DRC7: variants seen among roughly 807,000 people sequenced by gnomAD.
DRC7 encodes the protein coiled-coil domain containing 135.
In DRC7, 80 loss-of-function variants were observed where a neutral mutation model predicts 104.4. That is an observed-to-expected ratio of 0.77 (90% CI 0.64 to 0.92). The LOEUF (loss-of-function observed/expected upper bound fraction) is 0.92. Ranked by LOEUF, DRC7 falls within the 40% of genes least tolerant of loss-of-function variation. The probability of loss-of-function intolerance (pLI) is 0.00; values close to 1 mark genes in which losing one functional copy is unlikely to be tolerated. For missense variants in DRC7, 1,034 were observed against 1,141.1 expected, an observed-to-expected ratio of 0.91 and a Z score of 1.35; for synonymous variants, 405 against 447.3, an observed-to-expected ratio of 0.91 and a Z score of 1.19.
At chr16:57,727,253 G>A in intron 15 of DRC7, 46 bp from the exon 16 acceptor site, 1 of 1,479,118 alleles carries the variant, frequency 6.8e-7, no homozygotes, top group South Asian at 1.1e-5. Context: ...TTACAGGAGT[G>A]GAGGAGGGGT....
intron 13 of DRC7, 195 bp from the exon 14 acceptor site, chr16:57,725,873 T>A (rs1035198458): frequency 3.3e-6 from 2 of 597,452 alleles, no homozygotes; most frequent in African/African-American, 1.9e-5. Flanking sequence ...CAGCACCATA[T>A]GGGAGTGGAG....
intron 7 of DRC7, 88 bp from the exon 8 acceptor site, chr16:57,707,372 C>A: frequency 4.8e-6 from 6 of 1,256,040 alleles, no homozygotes; most frequent in Non-Finnish European, 5.5e-6. Flanking sequence ...AGCTCTCCTG[C>A]TGGTTCCCCA....
chr16:57,716,695 C>A (rs915577025), intron 8 of DRC7, among the ~76,000 whole-genome samples: 2 of 152,082 alleles, frequency 1.3e-5, no homozygotes, highest in African/African-American at 2.4e-5. Flanking sequence ...GGAGCCCTCC[C>A]AGGACCCACA....
At position 57,718,365 on chromosome 16, in the gene DRC7, G is replaced by A. The variant is rs1476132457; in HGVS notation, c.1096G>A (p.Gly366Ser). ...NCCKDLIFDL[G>S]DPVRWEYMLL... Reference sequence around the variant, plus strand: ...CCAACAGGACTTGATCTTTGACCTGGGTGACCCTGTGAGATGGGAGTACAT... The same window carrying A: ...CCAACAGGACTTGATCTTTGACCTGAGTGACCCTGTGAGATGGGAGTACAT... Residue 366 changes from glycine to serine, a missense_variant, in exon 9 of 19, where the codon GGT becomes AGT. Gly to Ser is a moderately conservative substitution (Grantham distance 56). Transcript: ENST00000360716. 2 of 1,614,084 alleles carry A rather than the reference G, an allele frequency of 1.2e-6. No homozygotes were observed. Among genetic ancestry groups the A allele is most frequent in the Non-Finnish European group, 1.7e-6 (2 of 1,179,944 alleles).
intron 3 of DRC7, 77 bp from the exon 4 acceptor site, chr16:57,698,773 C>T (rs1356123375): frequency 1.4e-6 from 2 of 1,439,344 alleles, no homozygotes; most frequent in Non-Finnish European, 9.6e-7. Flanking sequence ...AGGGGTAGAG[C>T]CAATGGCAAC....
At position 57,726,851 on chromosome 16, in the gene DRC7, C is replaced by A. The variant is rs2048973708; in HGVS notation, c.1994C>A (p.Thr665Asn). 6.2e-7 allele frequency: 1 copy of A among 1,612,236 alleles called. No homozygotes were observed. The highest frequency in any genetic ancestry group is 1.3e-5 in the African/African-American group (1 of 74,850). ...TCCCAGGTGGAGCCCATGGAGCACACCAAGAAGCTGCTCTACCAGTACGAG... is the reference window on the plus strand; with the variant it reads ...TCCCAGGTGGAGCCCATGGAGCACAACAAGAAGCTGCTCTACCAGTACGAG... Reference protein sequence around the residue: ...ISFEVEPMEHTKKLLYQYEAM... With the variant: ...ISFEVEPMEHNKKLLYQYEAM... Residue 665 changes from threonine to asparagine, a missense_variant, in exon 15 of 19, where the codon ACC becomes AAC. By Grantham distance (65) the Thr-to-Asn change is moderately conservative. Coordinates refer to ENST00000360716, the MANE Select transcript of DRC7 (RefSeq NM_001289162.2).
At chr16:57,700,093 C>T (rs2148730978) in intron 4 of DRC7, 52 bp from the exon 5 acceptor site, 1 of 1,584,604 alleles carries the variant, frequency 6.3e-7, no homozygotes, top group Non-Finnish European at 8.6e-7. Flanking sequence ...CAAGCTTGAT[C>T]TCACAAGTTC....
Position 57,726,785 on chromosome 16 carries a change from C to T in DRC7, c.1975-47C>T, listed in dbSNP as rs1490109180. ...ATTTGAACCCAGGTGGTCCTATGCC[C>T]CGATCATGGCAGCCTCTCTGTGTTA... On this transcript the variant is annotated intron_variant, in intron 14 of 18. Coordinates refer to ENST00000360716, the MANE Select transcript of DRC7 (RefSeq NM_001289162.2). 3.1e-6 allele frequency: 4 copies of T among 1,287,464 alleles called. No homozygotes were observed. In the African/African-American group the frequency reaches 4.4e-5, roughly 14 times the overall value. 79.8% of individuals were successfully genotyped at this position (1,287,464 alleles called of 1,614,324 possible). A position where few individuals can be genotyped will look rare whatever the true frequency, so the allele number is the denominator to read the frequency against.
chr16:57,706,983 A>G (rs903617491), intron 7 of DRC7, among the ~76,000 whole-genome samples: 1 of 151,760 alleles, frequency 6.6e-6, no homozygotes, highest in African/African-American at 2.4e-5. Flanking sequence ...CCACACTCCT[A>G]TCCTTCCTCC....
intron 9 of DRC7, among the ~76,000 whole-genome samples, chr16:57,721,464 G>A (rs1451322401): frequency 1.3e-5 from 2 of 152,138 alleles, no homozygotes; most frequent in Admixed American, 6.5e-5. Context: ...TCCTAAGCCA[G>A]GCAAGTATAG....
Position 57,726,768 on chromosome 16 carries a change from C to G in DRC7, c.1975-64C>G, listed in dbSNP as rs1597812622. ...GAAAGTGGCAGGGGTAGATTTGAAC[C>G]CAGGTGGTCCTATGCCCCGATCATG... On this transcript the variant is annotated intron_variant, in intron 14 of 18. Coordinates refer to ENST00000360716, the MANE Select transcript of DRC7 (RefSeq NM_001289162.2). The G allele has an allele frequency of 5.0e-6, 5 of 1,000,860 alleles. No individual in the cohort carries two copies. In the East Asian group the frequency reaches 1.3e-4, roughly 26 times the overall value. 62.0% of individuals were successfully genotyped at this position (1,000,860 alleles called of 1,614,324 possible).
At chr16:57,701,498 T>C (rs2048657741) in intron 5 of DRC7, 1 of 158,826 alleles carries the variant, frequency 6.3e-6, no homozygotes, top group East Asian at 1.9e-4. Context: ...ACCCCATCTT[T>C]GGGCTTCTGA....
intron 17 of DRC7, among the ~76,000 whole-genome samples, chr16:57,728,934 ATGGGTGGG>A (rs2049009077): frequency 6.9e-6 from 1 of 145,910 alleles, no homozygotes; most frequent in South Asian, 2.3e-4. Context: ...GCATGAACAG[ATGGGTGGG>A]TGGATGGGTG....
intron 8 of DRC7, among the ~76,000 whole-genome samples, chr16:57,710,610 T>C (rs1006201522): frequency 6.6e-6 from 1 of 152,234 alleles, no homozygotes; most frequent in African/African-American, 2.4e-5. Flanking sequence ...TTAAGTATAG[T>C]ATTAGCCACA....
chr16:57,704,136 G>A (rs2048687649), intron 6 of DRC7, among the ~76,000 whole-genome samples: 1 of 152,048 alleles, frequency 6.6e-6, no homozygotes, highest in Non-Finnish European at 1.5e-5. Flanking sequence ...TCCCCACGAT[G>A]GCCCAGTGTG....
chr16:57,723,290 G>A (rs1017762709), intron 12 of DRC7, among the ~76,000 whole-genome samples, 160 bp downstream of exon 12: 4 of 152,196 alleles, frequency 2.6e-5, no homozygotes, highest in African/African-American at 4.8e-5. Context: ...CAGCAAACCC[G>A]ATGTGTGGGA....
At position 57,723,117 on chromosome 16, in the gene DRC7, C is replaced by G; in HGVS notation, c.1524C>G (p.Pro508=). 6.2e-7 allele frequency: 1 copy of G among 1,613,726 alleles called. No individual in the cohort carries two copies. Among genetic ancestry groups the G allele is most frequent in the Non-Finnish European group, 8.5e-7 (1 of 1,179,976 alleles). Residue 508 remains proline, a synonymous_variant, in exon 12 of 19, where the codon CCC becomes CCG. Coordinates refer to ENST00000360716, the MANE Select transcript of DRC7 (RefSeq NM_001289162.2). The part of the protein sequence containing the change: ...LKTDYFKPGH[P]QALRVHSYKS... The stretch of plus-strand genomic sequence containing the variant: ...CAGACTACTTCAAGCCTGGCCACCC[C>G]CAGGCTCTGCGCGGTGCGTGGCTCC...
chr16:57,701,875 G>T, intron 5 of DRC7, 61 bp from the exon 6 acceptor site: 1 of 1,458,084 alleles, frequency 6.9e-7, no homozygotes, highest in Non-Finnish European at 9.5e-7. Context: ...GCTGTGACCG[G>T]TGGGGAGGAC....
At chr16:57,695,549 T>C (rs1327998185) in intron 1 of DRC7, among the ~76,000 whole-genome samples, 3 of 152,220 alleles carry the variant, frequency 2.0e-5, no homozygotes, top group African/African-American at 7.2e-5. Flanking sequence ...CTGCCCTTCC[T>C]GGGCTCATTG....
Sources: allele counts gnomAD v4.1 joint callset (sites outside exome capture counted in the v4.1 genomes callset), GRCh38; gene constraint gnomAD v4.1.1; transcripts MANE v1.5; gene names NCBI Gene and HGNC (gene_info 2026-07-23, HGNC 2026-07-21).